ARRB1: variants seen among roughly 807,000 people sequenced by gnomAD.
The protein encoded by ARRB1 is beta-arrestin-1.
A neutral mutation model predicts 56.8 loss-of-function variants in ARRB1; 21 were observed. The ratio of observed to expected loss-of-function variants is 0.37; its 90% CI spans 0.26 to 0.53. The LOEUF (loss-of-function observed/expected upper bound fraction) is 0.53. Among genes scored for constraint, ARRB1 ranks in the 20% least tolerant of loss-of-function variants. The pLI, the probability that ARRB1 is intolerant of heterozygous loss-of-function variation, is 0.88. For synonymous variants in ARRB1, 210 were observed against 218.6 expected (o/e 0.96, Z 0.35); for missense variants, 424 against 553.7 (o/e 0.77, Z 2.35).
In ARRB1 at chr11:75,267,714, G is replaced by C; in HGVS notation, c.1094-11C>G. Reference sequence around the variant, plus strand: ...TCTCGTTCTCTGGAACTAAACACAGGGTGGGTGGGCAGGGTGTCCAGGGAT... The same window carrying C: ...TCTCGTTCTCTGGAACTAAACACAGCGTGGGTGGGCAGGGTGTCCAGGGAT... On this transcript the variant is annotated splice_polypyrimidine_tract_variant and intron_variant, in intron 14 of 15. Coordinates refer to ENST00000420843, the MANE Select transcript of ARRB1 (RefSeq NM_004041.5). 3 of 1,589,828 alleles carry C rather than the reference G, an allele frequency of 1.9e-6. No homozygotes were observed. Among genetic ancestry groups the C allele is most frequent in the Admixed American group, 1.7e-5 (1 of 59,558 alleles).
Position 75,294,779 on chromosome 11 carries a change from C to T in ARRB1, c.21-4740G>A, listed in dbSNP as rs1946693020. ...TCTGGTCCTATGAAGTTAGGCATGT[C>T]CATGTGGCTTGCTCTGGCCAGTGAA... On this transcript the variant is annotated intron_variant, in intron 1 of 15. Transcript: ENST00000420843. 2.6e-5 allele frequency among the ~76,000 whole-genome samples: 4 copies of T among 152,116 alleles called. No homozygotes were observed. The South Asian group carries it at 8.3e-4, about 32-fold the overall frequency.
chr11:75,332,458 T>A (rs1444437204), intron 1 of ARRB1, among the ~76,000 whole-genome samples: 1 of 152,188 alleles, frequency 6.6e-6, no homozygotes, highest in Admixed American at 6.5e-5. Context: ...ACATTTGTCA[T>A]CTATTTTCTC....
chr11:75,274,238 G>C, intron 10 of ARRB1, 27 bp from the exon 11 acceptor site: 1 of 1,612,540 alleles, frequency 6.2e-7, no homozygotes, highest in Admixed American at 1.7e-5. Flanking sequence ...CAGCTGTGGA[G>C]ATGGCCCTCC....
rs947961437 is a variant in ARRB1, at chr11:75,266,301, G to T, written c.1146-27C>A. On this transcript the variant is annotated intron_variant, in intron 15 of 15. Transcript: ENST00000420843. Reference sequence around the variant, plus strand: ...TGGTGGGAGAGACAAGGAAAATGTGGTGTGTTTGCAGGGGCAGGGAGAGTA... The same window carrying T: ...TGGTGGGAGAGACAAGGAAAATGTGTTGTGTTTGCAGGGGCAGGGAGAGTA... The T allele has an allele frequency of 4.4e-6, 7 of 1,593,728 alleles. No homozygotes were observed. The Admixed American group carries it at 1.2e-4, about 27-fold the overall frequency.
At chr11:75,311,055 G>A (rs1177845639) in intron 1 of ARRB1, among the ~76,000 whole-genome samples, 3 of 152,186 alleles carry the variant, frequency 2.0e-5, no homozygotes, top group East Asian at 1.9e-4. Flanking sequence ...GAGACCACAG[G>A]GCCAGGCGCG....
intron 1 of ARRB1, among the ~76,000 whole-genome samples, chr11:75,303,264 A>T (rs926267936): frequency 1.3e-5 from 2 of 152,108 alleles, no homozygotes; most frequent in African/African-American, 2.4e-5. Flanking sequence ...AGCCTCCCAA[A>T]GTGTTGGGAT....
intron 1 of ARRB1, 46 bp from the exon 2 acceptor site, chr11:75,290,085 CA>C (rs367728568): frequency 8.1e-6 from 13 of 1,612,774 alleles, no homozygotes; most frequent in Admixed American, 1.7e-5. Context: ...GTATCCTGCC[CA>C]GGGGCAAGCT....
chr11:75,281,003 C>A (rs931085037), intron 7 of ARRB1, 72 bp downstream of exon 7: 25 of 1,500,844 alleles, frequency 1.7e-5, no homozygotes, highest in Non-Finnish European at 2.3e-5. Flanking sequence ...TTACTTATCT[C>A]CTCTTGGACT....
Position 75,327,599 on chromosome 11 carries a change from GT to G in ARRB1, c.20+23988del, listed in dbSNP as rs1554982206. Among the ~76,000 whole-genome samples the G allele has an allele frequency of 3.4e-3, 502 of 146,718 alleles. 6 individuals are homozygous for G. Among genetic ancestry groups the G allele is most frequent in the African/African-American group, 0.011 (456 of 40,186 alleles). ...TTGTTTTGTTTTGTTTTTTGTTTTT[GT>G]TTTTTTTTTTTGAGTCTTGCTCTTG... On this transcript the variant is annotated intron_variant, in intron 1 of 15. Coordinates refer to ENST00000420843, the MANE Select transcript of ARRB1 (RefSeq NM_004041.5).
chr11:75,267,709 C>T lies in ARRB1; in HGVS notation c.1094-6G>A, dbSNP rs754368392. 4.7e-6 allele frequency: 6 copies of T among 1,268,668 alleles called. No homozygotes were observed. Among genetic ancestry groups the T allele is most frequent in the Non-Finnish European group, 6.5e-6 (6 of 921,232 alleles). 78.6% of individuals were successfully genotyped at this position (1,268,668 alleles called of 1,614,324 possible). A position where few individuals can be genotyped will look rare whatever the true frequency, so the allele number is the denominator to read the frequency against. On this transcript the variant is annotated splice_region_variant and splice_polypyrimidine_tract_variant and intron_variant, in intron 14 of 15. Coordinates refer to ENST00000420843, the MANE Select transcript of ARRB1 (RefSeq NM_004041.5). ...TGGCGTCTCGTTCTCTGGAACTAAA[C>T]ACAGGGTGGGTGGGCAGGGTGTCCA...
intron 1 of ARRB1, among the ~76,000 whole-genome samples, chr11:75,339,533 T>C (rs963672278): frequency 6.6e-6 from 1 of 152,214 alleles, no homozygotes; most frequent in Non-Finnish European, 1.5e-5. Context: ...AAAACACATG[T>C]CACAGAGATA....
intron 1 of ARRB1, among the ~76,000 whole-genome samples, chr11:75,306,979 G>A (rs1049730657): frequency 6.6e-6 from 1 of 152,172 alleles, no homozygotes; most frequent in South Asian, 2.1e-4. Flanking sequence ...CCAGCCTGGG[G>A]GAGCCCTTAC....
intron 1 of ARRB1, among the ~76,000 whole-genome samples, chr11:75,339,820 C>A (rs763906448): frequency 4.6e-5 from 7 of 152,212 alleles, no homozygotes; most frequent in Non-Finnish European, 7.3e-5. Flanking sequence ...AGAGAGAAAG[C>A]TTTGTTCCTT....
intron 1 of ARRB1, among the ~76,000 whole-genome samples, chr11:75,294,139 G>C (rs762940898): frequency 2.0e-5 from 3 of 152,132 alleles, no homozygotes; most frequent in Non-Finnish European, 4.4e-5. Context: ...CTATACCTAG[G>C]TGTGTCACAC....
chr11:75,341,453 T>C (rs1947692467), intron 1 of ARRB1, among the ~76,000 whole-genome samples: 1 of 152,170 alleles, frequency 6.6e-6, no homozygotes, highest in African/African-American at 2.4e-5. Context: ...TGGCTTTTTA[T>C]GAAGCCCTTA....
intron 1 of ARRB1, among the ~76,000 whole-genome samples, chr11:75,303,936 G>T (rs752676991): frequency 6.6e-6 from 1 of 152,196 alleles, no homozygotes; most frequent in Non-Finnish European, 1.5e-5. Context: ...TACATAGTAG[G>T]TGCTTAATAA....
At position 75,327,585 on chromosome 11, in the gene ARRB1, T is replaced by C. The variant is rs530350805; in HGVS notation, c.20+24003A>G. On this transcript the variant is annotated intron_variant, in intron 1 of 15. Coordinates refer to ENST00000420843, the MANE Select transcript of ARRB1 (RefSeq NM_004041.5). ...GTTTGTTTATTTTTTTGTTTTGTTT[T>C]GTTTTTTGTTTTTGTTTTTTTTTTT... is the stretch of plus-strand genomic sequence containing the variant. Among the ~76,000 whole-genome samples, 18 of 94,502 alleles carry C rather than the reference T, an allele frequency of 1.9e-4. No homozygotes were observed. In the South Asian group the frequency reaches 4.4e-3, roughly 23 times the overall value. The allele number at this position is 94,502 out of a possible 152,430, so 62.0% of individuals were successfully genotyped here. A position where few individuals can be genotyped will look rare whatever the true frequency, so the allele number is the denominator to read the frequency against.
At chr11:75,332,562 T>C (rs1947538052) in intron 1 of ARRB1, among the ~76,000 whole-genome samples, 1 of 152,234 alleles carries the variant, frequency 6.6e-6, no homozygotes, top group Admixed American at 6.5e-5. Flanking sequence ...CCCAAGTCTT[T>C]AGACAAACTC....
chr11:75,265,103 G>A lies in ARRB1; in HGVS notation c.*1060C>T, dbSNP rs1168706423. 1.3e-5 allele frequency: 2 copies of A among 152,230 alleles called. No individual in the cohort carries two copies. The highest frequency in any genetic ancestry group is 3.8e-4 in the East Asian group (2 of 5,196). 9.4% of individuals were successfully genotyped at this position (152,230 alleles called of 1,614,324 possible). ...GGACCCCCTTTGACTGTGGCATGGT[G>A]GCCTCAGGCACTCTCTCCCAGTCCA... On this transcript the variant is annotated 3_prime_UTR_variant, in exon 16 of 16. Transcript: ENST00000420843.
Sources: allele counts gnomAD v4.1 joint callset (sites outside exome capture counted in the v4.1 genomes callset), GRCh38; gene constraint gnomAD v4.1.1; transcripts MANE v1.5; gene names NCBI Gene and HGNC (gene_info 2026-07-23, HGNC 2026-07-21).